Variants in CADPS2 observed in about 807,000 individuals in gnomAD.
CADPS2 encodes the protein calcium-dependent secretion activator 2.
CADPS2 carries 93 observed loss-of-function variants against 172.5 expected under a neutral mutation model. The ratio of observed to expected loss-of-function variants is 0.54; its 90% CI spans 0.46 to 0.64. The LOEUF (loss-of-function observed/expected upper bound fraction) is 0.64. CADPS2 is among the 30% of genes least tolerant of loss of function. The pLI is 0.00. For synonymous variants in CADPS2, 546 were observed against 555.2 expected (o/e 0.98, Z 0.23); for missense variants, 1,420 against 1,565.9 (o/e 0.91, Z 1.57).
chr7:122,589,770 T>C (rs2070446012), intron 6 of CADPS2, among the ~76,000 whole-genome samples: 2 of 151,792 alleles, frequency 1.3e-5, no homozygotes, highest in African/African-American at 2.4e-5. Context: ...ACTATGAAAA[T>C]GAATGAGCTT....
chr7:122,381,390 A>T (rs1213543541), intron 24 of CADPS2, among the ~76,000 whole-genome samples: 1 of 152,180 alleles, frequency 6.6e-6, no homozygotes, highest in African/African-American at 2.4e-5. Context: ...GCTCCAAAGC[A>T]TGCAGGCATT....
chr7:122,406,196 G>A (rs2046619933), intron 20 of CADPS2, among the ~76,000 whole-genome samples: 1 of 152,118 alleles, frequency 6.6e-6, no homozygotes, highest in Non-Finnish European at 1.5e-5. Flanking sequence ...CAGACTCAAA[G>A]AGGTGAACAA....
intron 1 of CADPS2, among the ~76,000 whole-genome samples, chr7:122,885,264 T>C (rs562730112): frequency 7.2e-5 from 11 of 152,258 alleles, no homozygotes; most frequent in African/African-American, 2.6e-4. Context: ...TGGGGGAGAA[T>C]AAGCATTTTG....
intron 2 of CADPS2, among the ~76,000 whole-genome samples, chr7:122,705,585 A>C (rs1588587019): frequency 1.7e-5 from 2 of 114,330 alleles, no homozygotes; most frequent in South Asian, 4.7e-4. Context: ...ATTATATATT[A>C]TATAATATAT....
chr7:122,710,586 C>A (rs1428086354), intron 2 of CADPS2, among the ~76,000 whole-genome samples: 2 of 152,088 alleles, frequency 1.3e-5, no homozygotes, highest in Admixed American at 6.6e-5. Context: ...TCGCCAAGCA[C>A]ACTGCTAGCT....
At chr7:122,492,335 G>A (rs2058369682) in intron 9 of CADPS2, among the ~76,000 whole-genome samples, 1 of 152,022 alleles carries the variant, frequency 6.6e-6, no homozygotes, top group South Asian at 2.1e-4. Context: ...GCCAAGATCT[G>A]GTCTGCCTCT....
intron 1 of CADPS2, among the ~76,000 whole-genome samples, chr7:122,769,374 G>A (rs1438679907): frequency 6.6e-6 from 1 of 152,028 alleles, no homozygotes; most frequent in Admixed American, 6.6e-5. Flanking sequence ...CAACTTACAG[G>A]GACACAATTC....
rs1814747090 is a variant in CADPS2, at chr7:122,854,919, T to C, written c.339+31080A>G. On this transcript the variant is annotated intron_variant, in intron 1 of 29. Coordinates refer to ENST00000449022, the MANE Select transcript of CADPS2 (RefSeq NM_017954.11). ...CATAATATAAAAGGACATCACTATA[T>C]TTGTGTAAGACCTAAAAAATTAGAT... Among the ~76,000 whole-genome samples, 5 of 152,336 alleles carry C rather than the reference T, an allele frequency of 3.3e-5. No individual in the cohort carries two copies. The South Asian group carries it at 1.0e-3, about 32-fold the overall frequency.
chr7:122,636,585 C>G (rs1283866756), intron 3 of CADPS2, among the ~76,000 whole-genome samples: 2 of 150,654 alleles, frequency 1.3e-5, no homozygotes, highest in African/African-American at 4.9e-5. Context: ...CCTGCCTCAG[C>G]TTCCCAAGTA....
At chr7:122,325,317 A>G (rs890891742) in intron 29 of CADPS2, among the ~76,000 whole-genome samples, 160 bp downstream of exon 29, 1 of 152,124 alleles carries the variant, frequency 6.6e-6, no homozygotes. Context: ...ATTTATATTC[A>G]TTTATTAATC....
intron 7 of CADPS2, among the ~76,000 whole-genome samples, chr7:122,572,877 T>C (rs1054130467): frequency 1.4e-4 from 21 of 152,084 alleles, no homozygotes; most frequent in Non-Finnish European, 7.4e-5. Flanking sequence ...TGGTGGAGGG[T>C]TGGCCATCAA....
chr7:122,621,675 T>C lies in CADPS2; in HGVS notation c.910A>G (p.Met304Val), dbSNP rs755409669. Residue 304 changes from methionine to valine, a missense_variant, in exon 5 of 30, where the codon ATG becomes GTG. By Grantham distance (21) the Met-to-Val change is conservative. Transcript: ENST00000449022. Reference sequence around the variant, plus strand: ...GAAGACCGCAACTCTTCTATATACATATTCTCCATATCTTTTGCTATAAAT... The same window carrying C: ...GAAGACCGCAACTCTTCTATATACACATTCTCCATATCTTTTGCTATAAAT... ...PKFIAKDMEN[M>V]YIEELRSSVN... 3 of 1,609,558 alleles carry C rather than the reference T, an allele frequency of 1.9e-6. No individual in the cohort carries two copies. The highest frequency in any genetic ancestry group is 1.7e-6 in the Non-Finnish European group (2 of 1,178,190).
chr7:122,616,251 A>G (rs1163621406), intron 5 of CADPS2, among the ~76,000 whole-genome samples: 2 of 152,088 alleles, frequency 1.3e-5, no homozygotes, highest in East Asian at 1.9e-4. Flanking sequence ...TGGTATTTGC[A>G]CAAACAATAA....
intron 9 of CADPS2, among the ~76,000 whole-genome samples, chr7:122,496,005 T>G (rs1285070436): frequency 2.0e-5 from 3 of 152,202 alleles, no homozygotes; most frequent in Non-Finnish European, 2.9e-5. Flanking sequence ...TTAGCCATTT[T>G]ATACCATTTT....
At chr7:122,565,174 G>A (rs571135265) in intron 7 of CADPS2, among the ~76,000 whole-genome samples, 21 of 151,620 alleles carry the variant, frequency 1.4e-4, no homozygotes, top group South Asian at 4.2e-4. Context: ...AGACTTCACC[G>A]CTATGCAGTA....
At chr7:122,737,102 G>A in intron 1 of CADPS2, 34 bp from the exon 2 acceptor site, 1 of 1,117,510 alleles carries the variant, frequency 8.9e-7, no homozygotes. Context: ...CAGATAAATT[G>A]GCCAGTACAT....
intron 19 of CADPS2, among the ~76,000 whole-genome samples, chr7:122,412,632 A>G (rs1414517714): frequency 1.3e-5 from 2 of 152,196 alleles, no homozygotes; most frequent in Non-Finnish European, 2.9e-5. Context: ...CTTCTTGCCC[A>G]CGGTGGAATG....
chr7:122,547,783 G>C (rs1461370746), intron 8 of CADPS2, among the ~76,000 whole-genome samples: 1 of 152,080 alleles, frequency 6.6e-6, no homozygotes, highest in African/African-American at 2.4e-5. Context: ...GAGAGAGAAG[G>C]GTTCTTTGTA....
chr7:122,821,453 G>GC (rs1329499468), intron 1 of CADPS2, among the ~76,000 whole-genome samples: 1 of 152,070 alleles, frequency 6.6e-6, no homozygotes. Context: ...TCAAGGATTT[G>GC]CCCCACCCAG....
Sources: allele counts gnomAD v4.1 joint callset (sites outside exome capture counted in the v4.1 genomes callset), GRCh38; gene constraint gnomAD v4.1.1; transcripts MANE v1.5; gene names NCBI Gene and HGNC (gene_info 2026-07-23, HGNC 2026-07-21).